PDSS2: variants seen among roughly 807,000 people sequenced by gnomAD.
PDSS2 encodes decaprenyl diphosphate synthase subunit 2, also known as all trans-polyprenyl-diphosphate synthase PDSS2.
PDSS2 carries 31 observed loss-of-function variants against 44.5 expected under a neutral mutation model. That is an observed-to-expected ratio of 0.70 (90% confidence interval 0.52 to 0.94). The LOEUF is 0.94. Ranked by LOEUF, PDSS2 falls within the 40% of genes least tolerant of loss-of-function variation. The pLI is 0.00. For synonymous variants in PDSS2, 157 were observed against 180.3 expected (o/e 0.87, Z 1.03); for missense variants, 452 against 482.2 (o/e 0.94, Z 0.59).
intron 1 of PDSS2, among the ~76,000 whole-genome samples, chr6:107,334,942 A>G (rs1170061464): frequency 6.6e-6 from 1 of 152,032 alleles, no homozygotes; most frequent in African/African-American, 2.4e-5. Flanking sequence ...AGATGAGCCT[A>G]GGAGCTTGAG....
intron 2 of PDSS2, among the ~76,000 whole-genome samples, chr6:107,332,106 C>CTT (rs11284721): frequency 7.4e-6 from 1 of 135,868 alleles, no homozygotes; most frequent in African/African-American, 2.7e-5. Context: ...ATAAGGTAAA[C>CTT]TTTTTTTTTT....
intron 1 of PDSS2, among the ~76,000 whole-genome samples, chr6:107,364,525 C>T (rs1291065252): frequency 1.3e-5 from 2 of 152,222 alleles, no homozygotes; most frequent in Admixed American, 6.5e-5. Context: ...GCAGGGCTGG[C>T]TGGCTGCTCC....
chr6:107,455,990 A>G (rs1562553804), intron 1 of PDSS2, among the ~76,000 whole-genome samples: 1 of 152,200 alleles, frequency 6.6e-6, no homozygotes, highest in East Asian at 1.9e-4. Flanking sequence ...AGCATTTTTC[A>G]TAATATTAAC....
chr6:107,324,882 C>T (rs965209609), intron 2 of PDSS2, among the ~76,000 whole-genome samples: 4 of 152,014 alleles, frequency 2.6e-5, no homozygotes, highest in Admixed American at 1.3e-4. Context: ...AAGTGCTAGA[C>T]GAATTCTAAT....
chr6:107,454,330 G>A (rs1390712737), intron 1 of PDSS2, among the ~76,000 whole-genome samples: 2 of 151,988 alleles, frequency 1.3e-5, no homozygotes, highest in African/African-American at 4.8e-5. Flanking sequence ...TTGCAGGTGT[G>A]AACCACCACA....
rs1583117164 is a variant in PDSS2 at position 107,459,547 on chromosome 6, A to G, written c.-262T>C. 1 of 526,872 alleles carries G rather than the reference A, an allele frequency of 1.9e-6. No homozygotes were observed. The highest frequency in any genetic ancestry group is 3.4e-5 in the East Asian group (1 of 29,752). 32.6% of individuals were successfully genotyped at this position (526,872 alleles called of 1,614,324 possible). ...ACCACAGCCACTGCCTATGTGGAGG[A>G]CGCCATATTGGAGGCATGGAATGCG... On this transcript the variant is annotated 5_prime_UTR_variant, in exon 1 of 8. Coordinates refer to ENST00000369037, the MANE Select transcript of PDSS2 (RefSeq NM_020381.4). This position sits in a 1 kb window ranked among gnomAD's most constrained non-coding sequence, Gnocchi z 4.3.
chr6:107,406,912 T>A (rs544420898), intron 1 of PDSS2, among the ~76,000 whole-genome samples: 22 of 152,336 alleles, frequency 1.4e-4, no homozygotes, highest in African/African-American at 5.1e-4. Context: ...CATGCTGACA[T>A]GCAATCTCCA....
chr6:107,430,087 C>T (rs951400987), intron 1 of PDSS2, among the ~76,000 whole-genome samples: 7 of 151,626 alleles, frequency 4.6e-5, no homozygotes, highest in Non-Finnish European at 1.0e-4. Context: ...CCACCTAAGA[C>T]ACCTTCAGCT....
In PDSS2 at chr6:107,287,380, T is replaced by A. The variant is rs567684440; in HGVS notation, c.432-13153A>T. ...GGAAATTTCCCTGAATATACTACTG[T>A]ATTGGACCTTAAGTTGGTACAATCA... On this transcript the variant is annotated intron_variant, in intron 2 of 7. Transcript: ENST00000369037. 3.3e-5 allele frequency among the ~76,000 whole-genome samples: 5 copies of A among 152,296 alleles called. No individual in the cohort carries two copies. In the East Asian group the frequency reaches 9.7e-4, roughly 29 times the overall value.
intron 1 of PDSS2, among the ~76,000 whole-genome samples, chr6:107,368,794 C>T (rs1164239802): frequency 6.6e-6 from 1 of 152,066 alleles, no homozygotes; most frequent in African/African-American, 2.4e-5. Context: ...CACTCTCCCT[C>T]TCTCAAAAAA....
At chr6:107,266,662 A>AG (rs1338007093) in intron 3 of PDSS2, among the ~76,000 whole-genome samples, 1 of 152,254 alleles carries the variant, frequency 6.6e-6, no homozygotes, top group African/African-American at 2.4e-5. Flanking sequence ...AGGAAATGCC[A>AG]GATCATTCTT....
intron 7 of PDSS2, among the ~76,000 whole-genome samples, chr6:107,192,134 C>T (rs6568475): frequency 0.35 from 53,700 of 152,064 alleles, 9,728 homozygotes; most frequent in East Asian, 0.55. Flanking sequence ...ACTGGGCTCT[C>T]ATGCCTGTGG....
At chr6:107,423,280 A>G (rs1375755649) in intron 1 of PDSS2, among the ~76,000 whole-genome samples, 1 of 152,214 alleles carries the variant, frequency 6.6e-6, no homozygotes, top group East Asian at 1.9e-4. Flanking sequence ...AAAGCTGGAC[A>G]GCAAAAAGGG....
chr6:107,166,600 G>A (rs1183621919), intron 7 of PDSS2, among the ~76,000 whole-genome samples: 5 of 152,136 alleles, frequency 3.3e-5, no homozygotes, highest in Non-Finnish European at 7.4e-5. Context: ...TCCTGACCTC[G>A]TGATCCGCCC....
intron 7 of PDSS2, among the ~76,000 whole-genome samples, chr6:107,163,600 C>CT (rs1174942612): frequency 0.024 from 3,492 of 144,990 alleles, 120 homozygotes; most frequent in African/African-American, 0.077. Context: ...TGATCTTGTT[C>CT]TTTTTTTTTT....
chr6:107,259,547 T>C (rs1303897104), intron 3 of PDSS2, among the ~76,000 whole-genome samples: 1 of 151,938 alleles, frequency 6.6e-6, no homozygotes, highest in Non-Finnish European at 1.5e-5. Context: ...TGGTGGCACA[T>C]GCTTGTAATC....
At chr6:107,335,441 A>C (rs1161505538) in intron 1 of PDSS2, among the ~76,000 whole-genome samples, 1 of 152,256 alleles carries the variant, frequency 6.6e-6, no homozygotes, top group East Asian at 1.9e-4. Context: ...AGGAGCTCAG[A>C]GAATGAAAGG....
At chr6:107,194,690 G>A (rs920407911) in intron 6 of PDSS2, among the ~76,000 whole-genome samples, 8 of 152,178 alleles carry the variant, frequency 5.3e-5, no homozygotes, top group Non-Finnish European at 8.8e-5. Flanking sequence ...GGTGGCTCAC[G>A]CCTGTAATCC....
chr6:107,212,275 T>A lies in PDSS2; in HGVS notation c.710A>T (p.Tyr237Phe). 6.2e-7 allele frequency: 1 copy of A among 1,610,962 alleles called. No individual in the cohort carries two copies. The highest frequency in any genetic ancestry group is 8.5e-7 in the Non-Finnish European group (1 of 1,178,228). The change falls in exon 5 of 8, where the codon TAT becomes TTT. Residue 237 changes from tyrosine to phenylalanine, a missense_variant. Coordinates refer to ENST00000369037, the MANE Select transcript of PDSS2 (RefSeq NM_020381.4). ...YHENSTSKES[Y>F]ITDDIGISTW... ...CGATATTCCAATATCATCTGTGATA[T>A]AACTTTCCTAAAAATGTAACAAAAG...
Sources: allele counts gnomAD v4.1 joint callset (sites outside exome capture counted in the v4.1 genomes callset), GRCh38; gene constraint gnomAD v4.1.1; non-coding constraint Gnocchi (gnomAD v3.1); transcripts MANE v1.5; gene names NCBI Gene and HGNC (gene_info 2026-07-23, HGNC 2026-07-21).